Variants in SUCLG2 observed in about 807,000 individuals in gnomAD.
SUCLG2 encodes succinate-CoA ligase GDP-forming subunit beta.
SUCLG2 carries 42 observed loss-of-function variants against 47.9 expected under a neutral mutation model. That is an observed-to-expected ratio of 0.88 (90% CI 0.69 to 1.14). The LOEUF is 1.14. Ranked by LOEUF, SUCLG2 falls within the 50% of genes most tolerant of loss-of-function variation. The pLI, the probability that SUCLG2 is intolerant of heterozygous loss-of-function variation, is 0.00. For missense variants in SUCLG2, 571 were observed against 525.9 expected (o/e 1.09, Z -0.84); for synonymous variants, 195 against 197.3 (o/e 0.99, Z 0.10).
intron 2 of SUCLG2, among the ~76,000 whole-genome samples, chr3:67,582,508 G>A (rs1171490897): frequency 6.6e-6 from 1 of 151,998 alleles, no homozygotes; most frequent in Non-Finnish European, 1.5e-5. Context: ...TTCTTTATCC[G>A]GTCTACCAGT....
At chr3:67,474,369 A>G (rs1241791531) in intron 9 of SUCLG2, among the ~76,000 whole-genome samples, 1 of 152,190 alleles carries the variant, frequency 6.6e-6, no homozygotes, top group African/African-American at 2.4e-5. Context: ...AAAATGCCGC[A>G]AAATAATGCC....
chr3:67,380,690 AG>A (rs1702139287), intron 10 of SUCLG2, among the ~76,000 whole-genome samples: 1 of 48,670 alleles, frequency 2.1e-5, no homozygotes, highest in Admixed American at 1.9e-4. Flanking sequence ...AGGGGGGTAG[AG>A]AGAGAGAGAG....
At chr3:67,374,635 C>T (rs1357059877), downstream of SUCLG2, 1 of 455,964 alleles carries the variant, frequency 2.2e-6, no homozygotes, top group East Asian at 1.6e-4. Flanking sequence ...AGAGGCATAC[C>T]TAAGACACTA....
chr3:67,447,882 C>T (rs1703962679), intron 9 of SUCLG2, among the ~76,000 whole-genome samples: 1 of 152,094 alleles, frequency 6.6e-6, no homozygotes, highest in Non-Finnish European at 1.5e-5. Flanking sequence ...ACATGTGCCA[C>T]CATGGCCGGC....
chr3:67,371,448 C>T (rs1391787187), downstream of SUCLG2, among the ~76,000 whole-genome samples: 1 of 152,152 alleles, frequency 6.6e-6, no homozygotes, highest in African/African-American at 2.4e-5. Flanking sequence ...TCTCTTCTGC[C>T]CCTCTGCCTT....
chr3:67,426,157 C>T (rs781053873), intron 9 of SUCLG2, among the ~76,000 whole-genome samples: 2 of 151,996 alleles, frequency 1.3e-5, no homozygotes, highest in Non-Finnish European at 2.9e-5. Context: ...AAAATGTTTG[C>T]TTTTTCTTGA....
intron 10 of SUCLG2, among the ~76,000 whole-genome samples, chr3:67,391,200 T>C (rs985509017): frequency 6.6e-6 from 1 of 152,210 alleles, no homozygotes; most frequent in African/African-American, 2.4e-5. Flanking sequence ...AAACTTTCTC[T>C]AAAGTTGTTG....
intron 9 of SUCLG2, among the ~76,000 whole-genome samples, chr3:67,401,751 T>C (rs1299985685): frequency 1.3e-5 from 2 of 152,122 alleles, no homozygotes; most frequent in Non-Finnish European, 2.9e-5. Flanking sequence ...ATTCCAACAG[T>C]AGAGTCACAA....
chr3:67,403,582 A>G (rs1702737761), intron 9 of SUCLG2, among the ~76,000 whole-genome samples: 1 of 152,190 alleles, frequency 6.6e-6, no homozygotes, highest in Non-Finnish European at 1.5e-5. Context: ...ACTGACAATT[A>G]CAAATACAGG....
chr3:67,393,753 G>C (rs774709135), intron 10 of SUCLG2, among the ~76,000 whole-genome samples: 17 of 152,208 alleles, frequency 1.1e-4, no homozygotes, highest in Admixed American at 2.6e-4. Context: ...CCCCTGAGCA[G>C]CCTAACTGCG....
chr3:67,561,690 T>C lies in SUCLG2; in HGVS notation c.227-32504A>G, dbSNP rs1575779626. On this transcript the variant is annotated intron_variant, in intron 2 of 10. Transcript: ENST00000307227. ...TTTTTGCCCCCCTACTCTATTCCCA[T>C]CCCTTCCATAAAAATGACTAAAGAA... Among the ~76,000 whole-genome samples, 3 of 152,242 alleles carry C rather than the reference T, an allele frequency of 2.0e-5. No homozygotes were observed. In the South Asian group the frequency reaches 6.2e-4, roughly 32 times the overall value.
At chr3:67,473,928 G>C (rs1342456786) in intron 9 of SUCLG2, among the ~76,000 whole-genome samples, 2 of 152,118 alleles carry the variant, frequency 1.3e-5, no homozygotes, top group East Asian at 3.9e-4. Context: ...CGGGTACAAG[G>C]TCAACATCAT....
At chr3:67,583,001 GT>G (rs1242652337) in intron 2 of SUCLG2, among the ~76,000 whole-genome samples, 2 of 152,056 alleles carry the variant, frequency 1.3e-5, no homozygotes, top group African/African-American at 4.8e-5. Flanking sequence ...CTGTCTCAGG[GT>G]AGTGAATGGC....
intron 9 of SUCLG2, among the ~76,000 whole-genome samples, chr3:67,463,714 T>G (rs992122151): frequency 3.3e-5 from 5 of 152,222 alleles, no homozygotes; most frequent in Non-Finnish European, 2.9e-5. Flanking sequence ...CTGGAAAATA[T>G]TGCCCTAATC....
At chr3:67,362,981 G>C (rs938114653) in intron 10 of SUCLG2, among the ~76,000 whole-genome samples, 2 of 152,102 alleles carry the variant, frequency 1.3e-5, no homozygotes, top group African/African-American at 4.8e-5. Flanking sequence ...CCACATCTTT[G>C]CCAGGTTCCT....
intron 2 of SUCLG2, among the ~76,000 whole-genome samples, chr3:67,580,736 C>A (rs1707860511): frequency 6.6e-6 from 1 of 152,072 alleles, no homozygotes. Context: ...CAGTTTTGAA[C>A]ACAGTTGAGT....
intron 2 of SUCLG2, among the ~76,000 whole-genome samples, chr3:67,563,136 C>A (rs1050192031): frequency 6.7e-6 from 1 of 150,194 alleles, no homozygotes; most frequent in Non-Finnish European, 1.5e-5. Flanking sequence ...ATAATACATA[C>A]ATTTTTTAAT....
chr3:67,629,251 C>G (rs1700886557), intron 1 of SUCLG2, among the ~76,000 whole-genome samples: 1 of 152,210 alleles, frequency 6.6e-6, no homozygotes, highest in East Asian at 1.9e-4. Context: ...AATTCTCACA[C>G]TAACTCCCAG....
chr3:67,491,230 GA>G (rs533129424), intron 9 of SUCLG2, among the ~76,000 whole-genome samples: 5,848 of 64,142 alleles, frequency 0.091, 299 homozygotes, highest in African/African-American at 0.23. Context: ...TAAGTCAGAA[GA>G]AAAAAAAAAA....
Sources: allele counts gnomAD v4.1 joint callset (sites outside exome capture counted in the v4.1 genomes callset), GRCh38; gene constraint gnomAD v4.1.1; transcripts MANE v1.5; gene names NCBI Gene and HGNC (gene_info 2026-07-23, HGNC 2026-07-21).